VIP: variants seen among roughly 807,000 people sequenced by gnomAD.
VIP encodes VIP peptides.
A neutral mutation model predicts 20.1 loss-of-function variants in VIP; 18 were observed. That is an observed-to-expected ratio of 0.90 (90% CI 0.62 to 1.33). The LOEUF (loss-of-function observed/expected upper bound fraction) is 1.33, where lower values mean the gene tolerates loss of function less well. VIP is among the 40% of genes most tolerant of loss of function. The pLI, the probability that VIP is intolerant of heterozygous loss-of-function variation, is 0.00. For missense variants in VIP, 209 were observed against 199.4 expected, an observed-to-expected ratio of 1.05 and a Z score of -0.29; for synonymous variants, 70 against 68.1, an observed-to-expected ratio of 1.03 and a Z score of -0.14.
intron 1 of VIP, among the ~76,000 whole-genome samples, chr6:152,751,382 A>G (rs1279549111): frequency 2.0e-5 from 3 of 151,992 alleles, no homozygotes; most frequent in African/African-American, 7.2e-5. Flanking sequence ...TTAAGTTTAA[A>G]TTCCATAATT....
intron 4 of VIP, 103 bp downstream of exon 4, chr6:152,755,476 C>T (rs2099730291): frequency 2.8e-6 from 2 of 702,710 alleles, no homozygotes; most frequent in South Asian, 3.6e-5. Flanking sequence ...AAATTGAAAA[C>T]TCGTTGATAA....
chr6:152,750,941 G>C lies in VIP; in HGVS notation c.-29G>C, dbSNP rs1442457352. 2 of 152,088 alleles carry C rather than the reference G, an allele frequency of 1.3e-5. No individual in the cohort carries two copies. Among genetic ancestry groups the C allele is most frequent in the Non-Finnish European group, 2.9e-5 (2 of 68,028 alleles). The allele number at this position is 152,088 out of a possible 1,614,324, so 9.4% of individuals were successfully genotyped here. A position where few individuals can be genotyped will look rare whatever the true frequency, so the allele number is the denominator to read the frequency against. ...AACAAACCAGAACAGTCAGCTCCGG[G>C]GGAGCACGACTGGGCGAGGTAAGTG... On this transcript the variant is annotated 5_prime_UTR_variant, in exon 1 of 7. Transcript: ENST00000367244.
Position 152,753,949 on chromosome 6 carries a change from T to C in VIP, c.108-217T>C, listed in dbSNP as rs553159684. ...TCTTGTGTTTTGTATATTCAGCTTA[T>C]AAAAGTCATATGGCATCTACTTTAT... On this transcript the variant is annotated intron_variant, in intron 2 of 6. Coordinates refer to ENST00000367244, the MANE Select transcript of VIP (RefSeq NM_003381.4). Among the ~76,000 whole-genome samples the C allele has an allele frequency of 3.9e-5, 6 of 152,186 alleles. No homozygotes were observed. In the South Asian group the frequency reaches 6.2e-4, roughly 16 times the overall value.
At chr6:152,755,572 T>G in intron 4 of VIP, among the ~76,000 whole-genome samples, 199 bp downstream of exon 4, 1 of 151,946 alleles carries the variant, frequency 6.6e-6, no homozygotes, top group South Asian at 2.1e-4. Context: ...TAATATCATA[T>G]TCATTGACTC....
intron 6 of VIP, among the ~76,000 whole-genome samples, chr6:152,757,867 T>C (rs1273425668): frequency 6.6e-6 from 1 of 151,950 alleles, no homozygotes; most frequent in Admixed American, 6.6e-5. Context: ...AAATGTGGGT[T>C]CAAGACATAT....
rs2099729530 is a variant in VIP at position 152,750,964 on chromosome 6, G to A, written c.-11+5G>A. Reference sequence around the variant, plus strand: ...GGGGGAGCACGACTGGGCGAGGTAAGTGAAAACTTTACCTTTCCTCTTCTT... The same window carrying A: ...GGGGGAGCACGACTGGGCGAGGTAAATGAAAACTTTACCTTTCCTCTTCTT... On this transcript the variant is annotated splice_donor_5th_base_variant and intron_variant, in intron 1 of 6. Transcript: ENST00000367244. The A allele has an allele frequency of 6.6e-6, 1 of 152,206 alleles. No homozygotes were observed. The allele number at this position is 152,206 out of a possible 1,614,324, so 9.4% of individuals were successfully genotyped here.
In VIP at chr6:152,754,285, C is replaced by T. The variant is rs1380452341; in HGVS notation, c.227C>T (p.Ser76Phe). Residue 76 changes from serine (S) to phenylalanine (F), a missense_variant, in exon 3 of 7, where the codon TCC becomes TTC. Physicochemically the swap from Ser to Phe is radical, Grantham distance 155 (BLOSUM62 -2). Coordinates refer to ENST00000367244, the MANE Select transcript of VIP (RefSeq NM_003381.4). ...AATGACACACCCTATTATGATGTAT[C>T]CAGGTGAGTTTATTTTTATAAAACT... Reference protein sequence around the residue: ...AENDTPYYDVSRNARHADGVF... With the variant: ...AENDTPYYDVFRNARHADGVF... The T allele has an allele frequency of 6.3e-7, 1 of 1,596,306 alleles. No homozygotes were observed. The highest frequency in any genetic ancestry group is 2.2e-5 in the East Asian group (1 of 44,500).
chr6:152,751,989 G>T (rs1293236880), intron 1 of VIP, among the ~76,000 whole-genome samples, 179 bp from the exon 2 acceptor site: 1 of 152,154 alleles, frequency 6.6e-6, no homozygotes, highest in East Asian at 1.9e-4. Flanking sequence ...TCAAGCACCT[G>T]TCACTGAGAG....
At chr6:152,754,883 A>G (rs1217019086) in intron 3 of VIP, among the ~76,000 whole-genome samples, 2 of 151,974 alleles carry the variant, frequency 1.3e-5, no homozygotes, top group East Asian at 1.9e-4. Context: ...ATATTTTCCC[A>G]TTGTGAATGT....
rs750027981 is a variant in VIP at position 152,752,160 on chromosome 6, C to T, written c.-10-8C>T. The T allele has an allele frequency of 2.2e-5, 35 of 1,606,090 alleles. No homozygotes were observed. Among genetic ancestry groups the T allele is most frequent in the Admixed American group, 1.8e-4 (11 of 59,810 alleles). On this transcript the variant is annotated splice_region_variant and splice_polypyrimidine_tract_variant and intron_variant, in intron 1 of 6. Coordinates refer to ENST00000367244, the MANE Select transcript of VIP (RefSeq NM_003381.4). Reference sequence around the variant, plus strand: ...GCTGGAAGAACTGAGGTGATTCTCTCTCTTTAGAGGCACAGAAATGGACAC... The same window carrying T: ...GCTGGAAGAACTGAGGTGATTCTCTTTCTTTAGAGGCACAGAAATGGACAC...
At chr6:152,758,345 C>G (rs975462258) in intron 6 of VIP, among the ~76,000 whole-genome samples, 10 of 151,920 alleles carry the variant, frequency 6.6e-5, no homozygotes, top group Non-Finnish European at 1.3e-4. Flanking sequence ...ACCCTTAGAC[C>G]TCTAAGAGAA....
At position 152,756,251 on chromosome 6, in the gene VIP, G is replaced by A. The variant is rs773293927; in HGVS notation, c.453G>A (p.Leu151=). 1 of 1,608,958 alleles carries A rather than the reference G, an allele frequency of 6.2e-7. No homozygotes were observed. Among genetic ancestry groups the A allele is most frequent in the Non-Finnish European group, 8.5e-7 (1 of 1,177,516 alleles). The change falls in exon 5 of 7, where the codon CTG becomes CTA. Residue 151 remains leucine, a synonymous_variant. Coordinates refer to ENST00000367244, the MANE Select transcript of VIP (RefSeq NM_003381.4). Reference sequence around the variant, plus strand: ...TAAAGAAATATTTGAACTCAATTCTGAATGGAAAGAGGAGGTAAAGAAAAA... The same window carrying A: ...TAAAGAAATATTTGAACTCAATTCTAAATGGAAAGAGGAGGTAAAGAAAAA... ...MAVKKYLNSI[L]NGKRSSEGES... is the part of the protein sequence containing the mutation.
At chr6:152,752,471 G>A (rs2099729790) in intron 2 of VIP, among the ~76,000 whole-genome samples, 187 bp downstream of exon 2, 1 of 152,002 alleles carries the variant, frequency 6.6e-6, no homozygotes, top group Admixed American at 6.6e-5. Context: ...TCACTTTCAG[G>A]GCATGAGAGA....
In VIP at chr6:152,753,030, A is replaced by G. The variant is rs191483198; in HGVS notation, c.107+746A>G. Among the ~76,000 whole-genome samples the G allele has an allele frequency of 6.4e-4, 97 of 152,234 alleles. No homozygotes were observed. The Middle Eastern group carries it at 0.01, about 16-fold the overall frequency. On this transcript the variant is annotated intron_variant, in intron 2 of 6. Coordinates refer to ENST00000367244, the MANE Select transcript of VIP (RefSeq NM_003381.4). ...GCACCACTGTATCTCCAAAGGAAAA[A>G]TAATAATTGGGTTGGTTTCCTTCTT...
intron 3 of VIP, among the ~76,000 whole-genome samples, chr6:152,754,713 T>G (rs544439226): frequency 1.3e-5 from 2 of 152,126 alleles, no homozygotes; most frequent in Non-Finnish European, 2.9e-5. Flanking sequence ...AGCTCTATAG[T>G]ACTTGGTACA....
At position 152,755,252 on chromosome 6, in the gene VIP, T is replaced by C. The variant is rs1406502707; in HGVS notation, c.231-17T>C. The C allele has an allele frequency of 6.5e-7, 1 of 1,527,036 alleles. No homozygotes were observed. Among genetic ancestry groups the C allele is most frequent in the South Asian group, 1.3e-5 (1 of 77,870 alleles). The allele number at this position is 1,527,036 out of a possible 1,614,324, so 94.6% of individuals were successfully genotyped here. A position where few individuals can be genotyped will look rare whatever the true frequency, so the allele number is the denominator to read the frequency against. On this transcript the variant is annotated splice_polypyrimidine_tract_variant and intron_variant, in intron 3 of 6. Transcript: ENST00000367244. ...CCATTTACAAAATAATAGCTATTTTTTTCTTCCTTGTTTTAGAAATGCCAG... is the reference window on the plus strand; with the variant it reads ...CCATTTACAAAATAATAGCTATTTTCTTCTTCCTTGTTTTAGAAATGCCAG...
At chr6:152,753,701 T>G (rs1033041459) in intron 2 of VIP, among the ~76,000 whole-genome samples, 2 of 152,118 alleles carry the variant, frequency 1.3e-5, no homozygotes, top group African/African-American at 4.8e-5. Context: ...CAGTTAATAC[T>G]CTGTTCTTCA....
intron 6 of VIP, among the ~76,000 whole-genome samples, chr6:152,758,282 G>A (rs956526780): frequency 1.3e-5 from 2 of 151,916 alleles, no homozygotes; most frequent in Non-Finnish European, 2.9e-5. Flanking sequence ...ATCAAGAGTG[G>A]ACATGGTGTC....
chr6:152,753,318 G>A (rs2099729933), intron 2 of VIP, among the ~76,000 whole-genome samples: 1 of 152,142 alleles, frequency 6.6e-6, no homozygotes, highest in African/African-American at 2.4e-5. Flanking sequence ...CCAAATCACT[G>A]AAAGATACAC....
Sources: gnomAD v4.1 joint callset for allele counts (sites outside exome capture counted in the v4.1 genomes callset) on GRCh38, gnomAD v4.1.1 for gene constraint, MANE v1.5 for transcripts, NCBI Gene and HGNC (gene_info 2026-07-23, HGNC 2026-07-21) for gene names.